FAM178B: variants seen among roughly 807,000 people sequenced by gnomAD.
FAM178B encodes the protein protein FAM178B.
A neutral mutation model predicts 91.7 loss-of-function variants in FAM178B; 82 were observed. That is an observed-to-expected ratio of 0.89 (90% CI 0.75 to 1.07). The LOEUF is 1.07. FAM178B is among the 50% of genes least tolerant of loss of function. FAM178B has a pLI of 0.00. For synonymous variants in FAM178B, 368 were observed against 359.4 expected (o/e 1.02, Z -0.27); for missense variants, 769 against 846.7 (o/e 0.91, Z 1.14).
intron 6 of FAM178B, among the ~76,000 whole-genome samples, chr2:96,957,311 C>A (rs911472766): frequency 6.6e-6 from 1 of 152,206 alleles, no homozygotes; most frequent in African/African-American, 2.4e-5. Flanking sequence ...TGACCCAGGG[C>A]TAAATGGTGA....
At chr2:96,970,568 AC>A in intron 4 of FAM178B, 147 bp downstream of exon 4, 1 of 552,754 alleles carries the variant, frequency 1.8e-6, no homozygotes, top group Non-Finnish European at 3.2e-6. Flanking sequence ...TGCCCTGGCG[AC>A]CTGCCTGTTA....
chr2:96,891,572 G>T (rs2080681789), intron 14 of FAM178B, among the ~76,000 whole-genome samples: 1 of 152,202 alleles, frequency 6.6e-6, no homozygotes, highest in Non-Finnish European at 1.5e-5. Context: ...CACTGCATGT[G>T]CCCACAGTCT....
chr2:96,904,591 A>T lies in FAM178B; in HGVS notation c.1563-1884T>A, dbSNP rs1176503097. 1.6e-4 allele frequency among the ~76,000 whole-genome samples: 19 copies of T among 121,284 alleles called. No individual in the cohort carries two copies. In the Admixed American group the frequency reaches 2.0e-3, roughly 13 times the overall value. 79.6% of individuals were successfully genotyped at this position (121,284 alleles called of 152,430 possible). On this transcript the variant is annotated intron_variant, in intron 12 of 16. Coordinates refer to ENST00000490605, the MANE Select transcript of FAM178B (RefSeq NM_001122646.3). Reference sequence around the variant, plus strand: ...GTATTTTTAGCAGAGACGGGGTTTCACCATGTCAGCCAGGCTGGTCTCAAA... The same window carrying T: ...GTATTTTTAGCAGAGACGGGGTTTCTCCATGTCAGCCAGGCTGGTCTCAAA...
chr2:96,937,079 G>C (rs2081644887), intron 8 of FAM178B, among the ~76,000 whole-genome samples: 2 of 105,540 alleles, frequency 1.9e-5, no homozygotes, highest in African/African-American at 1.5e-4. Context: ...TGTTTTAGTA[G>C]AGACGAGATT....
chr2:96,932,145 G>GTT (rs2081550652), intron 8 of FAM178B, among the ~76,000 whole-genome samples: 3 of 152,168 alleles, frequency 2.0e-5, no homozygotes, highest in African/African-American at 7.2e-5. Flanking sequence ...CAGACCCCAA[G>GTT]GAGGTTGTGC....
chr2:96,878,152 CT>C, intron 15 of FAM178B, 110 bp from the exon 16 acceptor site: 9 of 1,234,840 alleles, frequency 7.3e-6, no homozygotes, highest in Non-Finnish European at 1.0e-5. Context: ...ATTTGAGTGA[CT>C]GTTCAGAAGT....
chr2:96,953,120 T>C (rs2081952521), intron 6 of FAM178B, among the ~76,000 whole-genome samples: 1 of 152,242 alleles, frequency 6.6e-6, no homozygotes, highest in Non-Finnish European at 1.5e-5. Flanking sequence ...GCTTTGTTCC[T>C]GTGGTTGTGA....
At chr2:96,973,573 A>G (rs2082251833) in intron 1 of FAM178B, among the ~76,000 whole-genome samples, 1 of 152,246 alleles carries the variant, frequency 6.6e-6, no homozygotes, top group South Asian at 2.1e-4. Flanking sequence ...ATGAAAGGCT[A>G]ATAAAGAGTC....
rs962982048 is a variant in FAM178B at position 96,902,644 on chromosome 2, G to C, written c.1626C>G (p.Leu542=). 2 of 1,550,882 alleles carry C rather than the reference G, an allele frequency of 1.3e-6. No homozygotes were observed. The highest frequency in any genetic ancestry group is 2.0e-5 in the Admixed American group (1 of 50,998). The part of the protein sequence containing the change: ...IARMLGQQEM[L]PLWQEKTQLS... ...CCTGGGTCTTCTCTTGCCAGAGAGG[G>C]AGCATCTCCTGCTGGCCCAGCATTC... Residue 542 remains leucine, a synonymous_variant, in exon 13 of 17, where the codon CTC becomes CTG. Transcript: ENST00000490605.
intron 12 of FAM178B, among the ~76,000 whole-genome samples, 155 bp downstream of exon 12, chr2:96,921,010 A>G (rs1008640840): frequency 1.3e-4 from 20 of 151,982 alleles, no homozygotes; most frequent in Admixed American, 3.9e-4. Context: ...TTTGTAAAGA[A>G]CTCATTAGTG....
Position 96,971,992 on chromosome 2 carries a change from T to TG in FAM178B, c.472dup (p.His158ProfsTer77). On this transcript the variant is annotated frameshift_variant, in exon 3 of 17. Transcript: ENST00000490605. LOFTEE classifies it high-confidence loss of function. Reference sequence around the variant, plus strand: ...GCCCCTCTTCGGGTCCAAGTCCAGGTGTTCCTGCTCCAACTCCTCGGGCAG... The same window carrying TG: ...GCCCCTCTTCGGGTCCAAGTCCAGGTGGTTCCTGCTCCAACTCCTCGGGCAG... 6.4e-7 allele frequency: 1 copy of TG among 1,561,534 alleles called. No individual in the cohort carries two copies. Among genetic ancestry groups the TG allele is most frequent in the Non-Finnish European group, 8.7e-7 (1 of 1,153,040 alleles).
intron 13 of FAM178B, 107 bp downstream of exon 13, chr2:96,902,513 G>T: frequency 1.3e-6 from 1 of 766,038 alleles, no homozygotes; most frequent in Non-Finnish European, 2.3e-6. Flanking sequence ...TGAGTAGAGA[G>T]TTCAGAGCCA....
chr2:96,891,646 T>C (rs915502826), intron 14 of FAM178B, among the ~76,000 whole-genome samples: 1 of 152,134 alleles, frequency 6.6e-6, no homozygotes, highest in Non-Finnish European at 1.5e-5. Context: ...GGAGAGAAAG[T>C]TGTGCCCTGG....
chr2:96,918,511 A>T (rs1316446471), intron 12 of FAM178B, among the ~76,000 whole-genome samples: 1 of 152,258 alleles, frequency 6.6e-6, no homozygotes, highest in Non-Finnish European at 1.5e-5. Flanking sequence ...GGGAATATGT[A>T]GTATTAATGA....
intron 5 of FAM178B, among the ~76,000 whole-genome samples, chr2:96,963,621 A>G (rs2153375108): frequency 6.6e-6 from 1 of 152,224 alleles, no homozygotes; most frequent in Non-Finnish European, 1.5e-5. Context: ...CACCATAAAA[A>G]CTGGCACCAG....
chr2:96,935,156 C>G (rs1452674770), intron 8 of FAM178B, among the ~76,000 whole-genome samples: 1 of 152,006 alleles, frequency 6.6e-6, no homozygotes, highest in Non-Finnish European at 1.5e-5. Context: ...CAAAATGGAA[C>G]AAAATTAAAA....
In FAM178B at chr2:96,902,679, C is replaced by T. The variant is rs971096411; in HGVS notation, c.1591G>A (p.Val531Ile). The T allele has an allele frequency of 7.7e-6, 12 of 1,550,688 alleles. No individual in the cohort carries two copies. The highest frequency in any genetic ancestry group is 8.7e-6 in the Non-Finnish European group (10 of 1,146,582). Reference protein sequence around the residue: ...RRLRSQLSLVVIARMLGQQEM... With the variant: ...RRLRSQLSLVIIARMLGQQEM... ...TGCTGGCCCAGCATTCGAGCAATGA[C>T]CACAAGGCTGAGCTGGCTTCGAAGC... is the stretch of plus-strand genomic sequence containing the variant. The change falls in exon 13 of 17, where the codon GTC becomes ATC. Residue 531 changes from valine to isoleucine, a missense_variant. Val to Ile is a conservative substitution (Grantham distance 29). Transcript: ENST00000490605.
At chr2:96,906,363 G>A (rs1475684126) in intron 12 of FAM178B, among the ~76,000 whole-genome samples, 2 of 151,802 alleles carry the variant, frequency 1.3e-5, no homozygotes, top group African/African-American at 2.4e-5. Flanking sequence ...CACCAAGCCC[G>A]ACCGAAAATA....
intron 12 of FAM178B, among the ~76,000 whole-genome samples, chr2:96,919,122 A>T (rs1263105413): frequency 1.3e-5 from 2 of 152,172 alleles, no homozygotes; most frequent in Non-Finnish European, 2.9e-5. Context: ...GGGGTTCTGG[A>T]CTGTGGTCGC....
Sources: gnomAD v4.1 joint callset for allele counts (sites outside exome capture counted in the v4.1 genomes callset) on GRCh38, gnomAD v4.1.1 for gene constraint, MANE v1.5 for transcripts, NCBI Gene and HGNC (gene_info 2026-07-23, HGNC 2026-07-21) for gene names.